The following MAP7 variants were observed in gnomAD, a reference collection of about 807,000 sequenced individuals.
The protein encoded by MAP7 is ensconsin.
Under a neutral mutation model 94.8 loss-of-function variants are expected in MAP7, and 52 were observed. The observed-to-expected ratio is 0.55, with a 90% confidence interval of 0.44 to 0.69. The LOEUF (loss-of-function observed/expected upper bound fraction) is 0.69. Ranked by LOEUF, MAP7 falls within the 30% of genes least tolerant of loss-of-function variation. The pLI, the probability that MAP7 is intolerant of heterozygous loss-of-function variation, is 0.00. For synonymous variants in MAP7, 350 were observed against 357.0 expected (o/e 0.98, Z 0.22); for missense variants, 940 against 964.6 (o/e 0.97, Z 0.34).
At chr6:136,426,980 CAGA>C (rs1793354464) in intron 1 of MAP7, among the ~76,000 whole-genome samples, 1 of 152,334 alleles carries the variant, frequency 6.6e-6, no homozygotes, top group African/African-American at 2.4e-5. Context: ...CAGACAAAAA[CAGA>C]CATGCTAAGA....
At chr6:136,381,199 G>T (rs1261000282) in intron 6 of MAP7, among the ~76,000 whole-genome samples, 1 of 152,030 alleles carries the variant, frequency 6.6e-6, no homozygotes, top group African/African-American at 2.4e-5. Context: ...TTCTTTTTGA[G>T]ATACGATCTC....
chr6:136,485,631 C>T (rs939149167), intron 1 of MAP7, among the ~76,000 whole-genome samples: 13 of 135,430 alleles, frequency 9.6e-5, no homozygotes, highest in African/African-American at 3.5e-4. Context: ...GGCGGGATCT[C>T]GGCTCACTGC....
At chr6:136,408,844 G>A (rs777582847) in intron 3 of MAP7, among the ~76,000 whole-genome samples, 33 of 152,102 alleles carry the variant, frequency 2.2e-4, no homozygotes, top group Non-Finnish European at 4.3e-4. Context: ...AGTTGATCAG[G>A]TGTGCCCTTT....
Position 136,372,639 on chromosome 6 carries a change from A to G in MAP7, c.752-14T>C. The G allele has an allele frequency of 1.2e-6, 2 of 1,614,166 alleles. No homozygotes were observed. Among genetic ancestry groups the G allele is most frequent in the East Asian group, 4.5e-5 (2 of 44,882 alleles). On this transcript the variant is annotated splice_polypyrimidine_tract_variant and intron_variant, in intron 7 of 17. Transcript: ENST00000354570. ...GGCTGCAAGATGCTGAACGAGGACA[A>G]ATGGGGATAACTAGGGTGCAGGTGA...
chr6:136,380,900 T>C (rs1190950846), intron 6 of MAP7, among the ~76,000 whole-genome samples: 1 of 152,238 alleles, frequency 6.6e-6, no homozygotes, highest in Non-Finnish European at 1.5e-5. Flanking sequence ...TCAGTATTTT[T>C]AATAACTAGT....
At position 136,420,162 on chromosome 6, in the gene MAP7, CA is replaced by C. The variant is rs1356740974; in HGVS notation, c.166+1538del. The stretch of plus-strand genomic sequence containing the variant: ...AAGAAAGTATTTTTGGCACCATCTT[CA>C]TTGTTATCTGCAGTGGGCCCCCAGA... On this transcript the variant is annotated intron_variant, in intron 2 of 17. Transcript: ENST00000354570. 32 of 927,772 alleles carry C rather than the reference CA, an allele frequency of 3.4e-5. No individual in the cohort carries two copies. The Admixed American group carries it at 5.3e-4, about 15-fold the overall frequency. 57.5% of individuals were successfully genotyped at this position (927,772 alleles called of 1,614,324 possible).
At chr6:136,502,988 TAAAAG>T (rs1212640709) in intron 1 of MAP7, among the ~76,000 whole-genome samples, 2 of 152,222 alleles carry the variant, frequency 1.3e-5, no homozygotes, top group African/African-American at 4.8e-5. Flanking sequence ...TCTACAATAA[TAAAAG>T]AAAACCACAG....
At chr6:136,360,643 G>A in intron 13 of MAP7, 54 bp downstream of exon 13, 1 of 1,508,722 alleles carries the variant, frequency 6.6e-7, no homozygotes. Flanking sequence ...GCTAGTCTCT[G>A]GGTCTTAGAG....
Position 136,457,926 on chromosome 6 carries a change from A to C in MAP7, c.68-36127T>G, listed in dbSNP as rs1157111197. On this transcript the variant is annotated intron_variant, in intron 1 of 17. Transcript: ENST00000354570. ...CTCTCACCACTTCTATTCAACACAG[A>C]GCTAGAAGTCCTTACCAGAGCAATT... 1.4e-4 allele frequency among the ~76,000 whole-genome samples: 22 copies of C among 152,280 alleles called. 1 individual carries two copies. Among genetic ancestry groups the C allele is most frequent in the Admixed American group, 1.4e-3 (22 of 15,290 alleles).
chr6:136,501,468 CCCTCATGGCTT>C (rs1480542934), intron 1 of MAP7, among the ~76,000 whole-genome samples: 1 of 152,200 alleles, frequency 6.6e-6, no homozygotes, highest in East Asian at 1.9e-4. Flanking sequence ...TAAGAGAACA[CCCTCATGGCTT>C]CCACATGGTA....
intron 1 of MAP7, among the ~76,000 whole-genome samples, chr6:136,430,781 A>G (rs1794668463): frequency 6.6e-6 from 1 of 152,158 alleles, no homozygotes; most frequent in South Asian, 2.1e-4. Flanking sequence ...CCTCACTAGA[A>G]CACCAGCCTC....
chr6:136,438,027 G>A (rs183632940), intron 1 of MAP7, among the ~76,000 whole-genome samples: 65 of 152,206 alleles, frequency 4.3e-4, no homozygotes, highest in African/African-American at 1.5e-3. Context: ...CTCTAATATA[G>A]TATCAGATTA....
intron 17 of MAP7, among the ~76,000 whole-genome samples, chr6:136,344,527 T>G (rs1405219501): frequency 2.0e-5 from 3 of 152,194 alleles, no homozygotes; most frequent in Non-Finnish European, 4.4e-5. Context: ...AAACATTCAT[T>G]TCTCTTGTAT....
At chr6:136,435,259 T>C (rs1307354776) in intron 1 of MAP7, among the ~76,000 whole-genome samples, 2 of 152,044 alleles carry the variant, frequency 1.3e-5, no homozygotes, top group Non-Finnish European at 2.9e-5. Flanking sequence ...TGAGTGGAGG[T>C]TGGGAGGAAC....
chr6:136,478,116 C>T (rs1583024957), intron 1 of MAP7, among the ~76,000 whole-genome samples: 1 of 152,036 alleles, frequency 6.6e-6, no homozygotes, highest in African/African-American at 2.4e-5. Context: ...ACACATTATA[C>T]CAAAACCTAT....
intron 16 of MAP7, among the ~76,000 whole-genome samples, chr6:136,354,249 T>C (rs1187109773): frequency 1.4e-5 from 2 of 145,014 alleles, no homozygotes; most frequent in African/African-American, 5.0e-5. Flanking sequence ...TAAATATATA[T>C]AAATTTCCTT....
At chr6:136,360,136 G>A in intron 13 of MAP7, 105 bp from the exon 14 acceptor site, 2 of 934,920 alleles carry the variant, frequency 2.1e-6, no homozygotes, top group Non-Finnish European at 1.6e-6. Context: ...TGTTATTTTG[G>A]AAAAATACAA....
Position 136,372,574 on chromosome 6 carries a change from G to A in MAP7, c.803C>T (p.Ser268Leu), listed in dbSNP as rs914123425. ...TACAAAGAGTTTTGGTCGATCCATC[G>A]AATTTCTAGAGTGTGCAGCTTTGTA... is the stretch of plus-strand genomic sequence containing the variant. ...MPYKAAHSRN[S>L]MDRPKLFVTP... is the part of the protein sequence containing the mutation. The change falls in exon 8 of 18, where the codon TCG (serine) becomes TTG (leucine). Residue 268 changes from serine to leucine, a missense_variant. Transcript: ENST00000354570. The A allele has an allele frequency of 1.1e-5, 17 of 1,614,016 alleles. No homozygotes were observed. Among genetic ancestry groups the A allele is most frequent in the South Asian group, 5.5e-5 (5 of 91,084 alleles).
intron 1 of MAP7, among the ~76,000 whole-genome samples, chr6:136,440,719 T>C (rs1797592653): frequency 6.6e-6 from 1 of 151,986 alleles, no homozygotes; most frequent in South Asian, 2.1e-4. Context: ...CTAAGAATTA[T>C]GACAGTGAGC....
Sources: gnomAD v4.1 joint callset for allele counts (sites outside exome capture counted in the v4.1 genomes callset) on GRCh38, gnomAD v4.1.1 for gene constraint, MANE v1.5 for transcripts, NCBI Gene and HGNC (gene_info 2026-07-23, HGNC 2026-07-21) for gene names.